Variants in PAQR9 observed in about 807,000 individuals in gnomAD.
The protein encoded by PAQR9 is progestin and adipoQ receptor family member 9.
A neutral mutation model predicts 24.0 loss-of-function variants in PAQR9; 12 were observed. The ratio of observed to expected loss-of-function variants is 0.50; its 90% CI spans 0.32 to 0.81. The LOEUF (loss-of-function observed/expected upper bound fraction) is 0.81. Among genes scored for constraint, PAQR9 ranks in the 30% least tolerant of loss-of-function variants. The pLI is 0.03. For synonymous variants in PAQR9, 266 were observed against 237.6 expected, an observed-to-expected ratio of 1.12 and a Z score of -1.10; for missense variants, 418 against 520.8, an observed-to-expected ratio of 0.80 and a Z score of 1.92.
Position 142,961,380 on chromosome 3 carries a change from A to T in PAQR9, c.*823T>A, listed in dbSNP as rs1934885583. 1 of 152,636 alleles carries T rather than the reference A, an allele frequency of 6.6e-6. No homozygotes were observed. The highest frequency in any genetic ancestry group is 2.4e-5 in the African/African-American group (1 of 41,450). 9.5% of individuals were successfully genotyped at this position (152,636 alleles called of 1,614,324 possible). On this transcript the variant is annotated 3_prime_UTR_variant, in exon 1 of 1. Coordinates refer to ENST00000340634, the MANE Select transcript of PAQR9 (RefSeq NM_198504.4). ...AAGTAAACAAAAATCTGGGGTCTATACAAACCACTCGAGCTCCTCACCAAT... is the reference window on the plus strand; with the variant it reads ...AAGTAAACAAAAATCTGGGGTCTATTCAAACCACTCGAGCTCCTCACCAAT...
At position 142,960,166 on chromosome 3, in the gene PAQR9, T is replaced by C. The variant is rs1018809881; in HGVS notation, c.*2037A>G. 6.6e-6 allele frequency among the ~76,000 whole-genome samples: 1 copy of C among 152,164 alleles called. No homozygotes were observed. Among genetic ancestry groups the C allele is most frequent in the African/African-American group, 2.4e-5 (1 of 41,430 alleles). On this transcript the variant is annotated 3_prime_UTR_variant, in exon 1 of 1. Transcript: ENST00000340634. ...TCAGTAAGAGATTCTAAATTAAATA[T>C]AGACATATATAAATTTAACTTCTAT...
At chr3:142,963,978 C>A (rs1008234451), upstream of PAQR9, 36 of 719,538 alleles carry the variant, frequency 5.0e-5, no homozygotes, top group Non-Finnish European at 6.1e-5. Flanking sequence ...GTTCGAAACC[C>A]GACAGCCACG....
Position 142,962,066 on chromosome 3 carries a change from AC to A in PAQR9, c.*136del. ...GGTTGGGATCCCTTTGTAGCAGTGA[AC>A]TTTTTCCCTATGGTTTTGCAGCACC... On this transcript the variant is annotated 3_prime_UTR_variant, in exon 1 of 1. Transcript: ENST00000340634. 9.3e-7 allele frequency: 1 copy of A among 1,075,736 alleles called. No individual in the cohort carries two copies. Among genetic ancestry groups the A allele is most frequent in the East Asian group, 2.4e-5 (1 of 42,266 alleles). The allele number at this position is 1,075,736 out of a possible 1,614,324, so 66.6% of individuals were successfully genotyped here. A position where few individuals can be genotyped will look rare whatever the true frequency, so the allele number is the denominator to read the frequency against.
chr3:142,950,961 T>C (rs1208297698), downstream of PAQR9, among the ~76,000 whole-genome samples: 2 of 152,268 alleles, frequency 1.3e-5, no homozygotes, highest in African/African-American at 4.8e-5. Context: ...GAATTCTGAA[T>C]ACTCTTTAGT....
chr3:142,949,171 G>T (rs1490583668), exon 3 of PAQR9: 4 of 152,122 alleles, frequency 2.6e-5, no homozygotes, highest in Non-Finnish European at 5.9e-5. Context: ...CTTATAGTTG[G>T]CTTATTACCT....
At position 142,954,790 on chromosome 3, in the gene PAQR9, C is replaced by T. The variant is rs887586126; in HGVS notation, c.*7413G>A. On this transcript the variant is annotated 3_prime_UTR_variant, in exon 1 of 1. Transcript: ENST00000340634. ...GAACTGGCCAAAGTGATACCTATTT[C>T]TATAGATTATTTTATCACATAATGG... Among the ~76,000 whole-genome samples the T allele has an allele frequency of 6.6e-6, 1 of 151,984 alleles. No individual in the cohort carries two copies. The highest frequency in any genetic ancestry group is 6.6e-5 in the Admixed American group (1 of 15,258).
rs1359630709 is a variant in PAQR9, at chr3:142,958,777, T to C, written c.*3426A>G. Among the ~76,000 whole-genome samples, 1 of 152,218 alleles carries C rather than the reference T, an allele frequency of 6.6e-6. No homozygotes were observed. Among genetic ancestry groups the C allele is most frequent in the Non-Finnish European group, 1.5e-5 (1 of 68,034 alleles). On this transcript the variant is annotated 3_prime_UTR_variant, in exon 1 of 1. Transcript: ENST00000340634. ...CCATACTTTCTCCCTGGGCTATTTATAGAAAGTGTATGGCTAGTGGAAAAG... is the reference window on the plus strand; with the variant it reads ...CCATACTTTCTCCCTGGGCTATTTACAGAAAGTGTATGGCTAGTGGAAAAG...
chr3:142,959,547 G>A lies in PAQR9; in HGVS notation c.*2656C>T, dbSNP rs1480941244. ...GACGAAGGAAAAGGCAAAGGGAAGA[G>A]GAAAGTGAATCCTCATTCTCTCTGG... On this transcript the variant is annotated 3_prime_UTR_variant, in exon 1 of 1. Transcript: ENST00000340634. Among the ~76,000 whole-genome samples the A allele has an allele frequency of 6.6e-6, 1 of 152,178 alleles. No homozygotes were observed. The highest frequency in any genetic ancestry group is 1.5e-5 in the Non-Finnish European group (1 of 68,026).
chr3:142,962,621 G>C lies in PAQR9; in HGVS notation c.716C>G (p.Pro239Arg), dbSNP rs373093912. ...GAAGACGAAGGTGCGCAGCGCGAAC[G>C]GGTAGGTACACCAGTCGGTACGGCT... ...CKSRTDWCTY[P>R]FALRTFVFVM... Residue 239 changes from proline (P) to arginine (R), a missense_variant, in exon 1 of 1, where the codon CCG becomes CGG. This residue lies in a region of PAQR9 where 230 missense variants were observed against 305.2 expected (regional missense o/e 0.75). Coordinates refer to ENST00000340634, the MANE Select transcript of PAQR9 (RefSeq NM_198504.4). 1.9e-6 allele frequency: 3 copies of C among 1,612,980 alleles called. No homozygotes were observed. Among genetic ancestry groups the C allele is most frequent in the Non-Finnish European group, 1.7e-6 (2 of 1,179,568 alleles).
At position 142,959,634 on chromosome 3, in the gene PAQR9, C is replaced by T. The variant is rs1033753539; in HGVS notation, c.*2569G>A. The stretch of plus-strand genomic sequence containing the variant: ...GTGTCATCTCACTGTACTCATGCAG[C>T]ATAATCACCTGAAAAATGATATGGG... On this transcript the variant is annotated 3_prime_UTR_variant, in exon 1 of 1. Transcript: ENST00000340634. Among the ~76,000 whole-genome samples, 5 of 152,190 alleles carry T rather than the reference C, an allele frequency of 3.3e-5. No homozygotes were observed. The highest frequency in any genetic ancestry group is 5.9e-5 in the Non-Finnish European group (4 of 68,042).
At position 142,962,514 on chromosome 3, in the gene PAQR9, C is replaced by T. The variant is rs1385030857; in HGVS notation, c.823G>A (p.Val275Met). Residue 275 changes from valine (V) to methionine (M), a missense_variant, in exon 1 of 1, where the codon GTG (valine) becomes ATG (methionine). By Grantham distance (21) the Val-to-Met change is conservative (BLOSUM62 1). This residue lies in a region of PAQR9 where 230 missense variants were observed against 305.2 expected (regional missense o/e 0.75). Coordinates refer to ENST00000340634, the MANE Select transcript of PAQR9 (RefSeq NM_198504.4). ...CAGAAGTAGCGGCGGTAGAAGTGCA[C>T]GAAGAGTGTGGGGTTCTCCCCACGC... The part of the protein sequence containing the change: ...DLRGENPTLF[V>M]HFYRRYFWLV... 1 of 1,612,720 alleles carries T rather than the reference C, an allele frequency of 6.2e-7. No homozygotes were observed. The highest frequency in any genetic ancestry group is 2.2e-5 in the East Asian group (1 of 44,880).
At chr3:142,953,654 G>A (rs1934749613), downstream of PAQR9, among the ~76,000 whole-genome samples, 1 of 152,136 alleles carries the variant, frequency 6.6e-6, no homozygotes, top group Admixed American at 6.5e-5. Flanking sequence ...TGGAATGCCT[G>A]TGGACCAGAC....
In PAQR9 at chr3:142,957,612, A is replaced by C. The variant is rs1934812539; in HGVS notation, c.*4591T>G. ...TTACACTATAAAATTCAGACACTTA[A>C]AGACATCTCAATTTAGGCACTTTGG... On this transcript the variant is annotated 3_prime_UTR_variant, in exon 1 of 1. Transcript: ENST00000340634. Among the ~76,000 whole-genome samples, 2 of 152,188 alleles carry C rather than the reference A, an allele frequency of 1.3e-5. No homozygotes were observed. Among genetic ancestry groups the C allele is most frequent in the African/African-American group, 4.8e-5 (2 of 41,434 alleles).
In PAQR9 at chr3:142,961,391, G is replaced by A. The variant is rs1440524862; in HGVS notation, c.*812C>T. ...AATCTGGGGTCTATACAAACCACTC[G>A]AGCTCCTCACCAATAGTTTAACCAG... is the stretch of plus-strand genomic sequence containing the variant. On this transcript the variant is annotated 3_prime_UTR_variant, in exon 1 of 1. Coordinates refer to ENST00000340634, the MANE Select transcript of PAQR9 (RefSeq NM_198504.4). 4 of 152,534 alleles carry A rather than the reference G, an allele frequency of 2.6e-5. No homozygotes were observed. The highest frequency in any genetic ancestry group is 4.4e-5 in the Non-Finnish European group (3 of 68,024). The allele number at this position is 152,534 out of a possible 1,614,324, so 9.4% of individuals were successfully genotyped here.
In PAQR9 at chr3:142,955,461, A is replaced by T. The variant is rs1466022481; in HGVS notation, c.*6742T>A. 8.9e-5 allele frequency among the ~76,000 whole-genome samples: 13 copies of T among 146,074 alleles called. No homozygotes were observed. Among genetic ancestry groups the T allele is most frequent in the Non-Finnish European group, 1.7e-4 (11 of 66,546 alleles). ...ACAAATTAAAAAAAAAAAAAAAAAA[A>T]AAAAAAAAAAAAAAAAGCAGCCACA... On this transcript the variant is annotated 3_prime_UTR_variant, in exon 1 of 1. Transcript: ENST00000340634.
chr3:142,963,820 G>C, upstream of PAQR9: 1 of 985,252 alleles, frequency 1.0e-6, no homozygotes, highest in Non-Finnish European at 1.2e-6. Context: ...CGCTTCGGGG[G>C]ATAGAGTTGT....
In PAQR9 at chr3:142,962,210, T is replaced by C. The variant is rs1183171219; in HGVS notation, c.1127A>G (p.Lys376Arg). 1.2e-6 allele frequency: 2 copies of C among 1,613,360 alleles called. No individual in the cohort carries two copies. Among genetic ancestry groups the C allele is most frequent in the Admixed American group, 1.7e-5 (1 of 60,010 alleles). ...KFLNSSEFCS[K>R]K ...CTCCTCCAAGGCGGAGGCTCACTTTTTACTGCAGAATTCGGAGCTGTTTAG... is the reference window on the plus strand; with the variant it reads ...CTCCTCCAAGGCGGAGGCTCACTTTCTACTGCAGAATTCGGAGCTGTTTAG... Residue 376 changes from lysine (K) to arginine (R), a missense_variant, in exon 1 of 1, where the codon AAA becomes AGA. By Grantham distance (26) the Lys-to-Arg change is conservative. Transcript: ENST00000340634.
chr3:142,962,623 G>GT lies in PAQR9; in HGVS notation c.713dup (p.Tyr238Ter). 6.2e-7 allele frequency: 1 copy of GT among 1,612,960 alleles called. No individual in the cohort carries two copies. The highest frequency in any genetic ancestry group is 8.5e-7 in the Non-Finnish European group (1 of 1,179,552). ...AGACGAAGGTGCGCAGCGCGAACGG[G>GT]TAGGTACACCAGTCGGTACGGCTCT... Reference protein sequence around the residue: ...CCKSRTDWCTYPFALRTFVFV... With the variant: ...CCKSRTDWCT The change falls in exon 1 of 1, where the codon TAC becomes TAAC. Residue 238 changes from tyrosine (Y) to a stop codon, truncating the protein, a stop_gained and frameshift_variant. Coordinates refer to ENST00000340634, the MANE Select transcript of PAQR9 (RefSeq NM_198504.4). LOFTEE classifies it high-confidence loss of function.
In PAQR9 at chr3:142,957,894, G is replaced by T. The variant is rs1934818883; in HGVS notation, c.*4309C>A. Among the ~76,000 whole-genome samples the T allele has an allele frequency of 6.6e-6, 1 of 152,172 alleles. No individual in the cohort carries two copies. The highest frequency in any genetic ancestry group is 1.5e-5 in the Non-Finnish European group (1 of 68,028). On this transcript the variant is annotated 3_prime_UTR_variant, in exon 1 of 1. Coordinates refer to ENST00000340634, the MANE Select transcript of PAQR9 (RefSeq NM_198504.4). ...ATAAGATTCTATGGATTGCACTTAT[G>T]CTAGCAAAAAAAGAGACCCAAACTC...
Sources: allele counts gnomAD v4.1 joint callset (sites outside exome capture counted in the v4.1 genomes callset), GRCh38; gene constraint gnomAD v4.1.1; regional missense constraint gnomAD v4.1.1; transcripts MANE v1.5; gene names NCBI Gene and HGNC (gene_info 2026-07-23, HGNC 2026-07-21).